Variants in UBE2F observed in about 807,000 individuals in gnomAD.
UBE2F encodes the protein ubiquitin conjugating enzyme E2 F (putative).
Under a neutral mutation model 29.6 loss-of-function variants are expected in UBE2F, and 5 were observed. That is an observed-to-expected ratio of 0.17 (90% CI 0.09 to 0.36). The LOEUF is 0.36. Among genes scored for constraint, UBE2F ranks in the 10% least tolerant of loss-of-function variants. The pLI is 1.00. For missense variants in UBE2F, 141 were observed against 228.5 expected (o/e 0.62, Z 2.47); for synonymous variants, 66 against 81.8 (o/e 0.81, Z 1.04).
At chr2:238,041,214 C>A in intron 9 of UBE2F, 74 bp from the exon 10 acceptor site, 1 of 1,417,954 alleles carries the variant, frequency 7.1e-7, no homozygotes, top group Non-Finnish European at 1.0e-6. Context: ...TCTGACTTGT[C>A]CCTGAAGCGC....
At chr2:237,999,852 T>G (rs1342714129) in intron 4 of UBE2F, among the ~76,000 whole-genome samples, 6 of 142,554 alleles carry the variant, frequency 4.2e-5, no homozygotes, top group Admixed American at 2.2e-4. Context: ...TGAGACGGAG[T>G]CTCACTGTGT....
At chr2:238,033,002 C>T (rs775644221) in intron 8 of UBE2F, among the ~76,000 whole-genome samples, 1 of 152,158 alleles carries the variant, frequency 6.6e-6, no homozygotes, top group Non-Finnish European at 1.5e-5. Flanking sequence ...TTCCCTTAGC[C>T]CCTTCCAGCA....
At chr2:237,987,868 T>TTC (rs2063512188) in intron 2 of UBE2F, 95 bp from the exon 3 acceptor site, 1 of 667,570 alleles carries the variant, frequency 1.5e-6, no homozygotes, top group South Asian at 2.1e-5. Context: ...TTTTTTTTTT[T>TTC]GATTCAGTGT....
intron 2 of UBE2F, among the ~76,000 whole-genome samples, chr2:237,980,965 GT>G (rs1263721092): frequency 1.2e-4 from 18 of 152,230 alleles, no homozygotes; most frequent in African/African-American, 3.9e-4. Flanking sequence ...ATATTTCAGT[GT>G]AGTCACGCTT....
Position 237,976,096 on chromosome 2 carries a change from G to T in UBE2F, c.118+2871G>T, listed in dbSNP as rs1285142002. ...TAGTAGATTGTATTCAGCGTCTGTTGTGCTGGAGGCTTTACCCTAAGAGGC... is the reference window on the plus strand; with the variant it reads ...TAGTAGATTGTATTCAGCGTCTGTTTTGCTGGAGGCTTTACCCTAAGAGGC... On this transcript the variant is annotated intron_variant, in intron 2 of 9. Transcript: ENST00000272930. Among the ~76,000 whole-genome samples, 2 of 152,254 alleles carry T rather than the reference G, an allele frequency of 1.3e-5. 1 individual carries two copies. Among genetic ancestry groups the T allele is most frequent in the South Asian group, 4.1e-4 (2 of 4,836 alleles).
rs575132638 is a variant in UBE2F, at chr2:237,967,038, C to A, written c.-111C>A. 1.6e-6 allele frequency: 2 copies of A among 1,287,426 alleles called. No individual in the cohort carries two copies. Among genetic ancestry groups the A allele is most frequent in the Non-Finnish European group, 2.0e-6 (2 of 1,014,826 alleles). 79.8% of individuals were successfully genotyped at this position (1,287,426 alleles called of 1,614,324 possible). ...CACTTCCGGTCCCGCCGCCGGGAGC[C>A]GGTGCGGCTGTGAGGGGCCGCGTCT... is the stretch of plus-strand genomic sequence containing the variant. On this transcript the variant is annotated 5_prime_UTR_variant, in exon 1 of 10. Transcript: ENST00000272930. The surrounding 1 kb of genome is among the most constrained non-coding windows in gnomAD (Gnocchi z 6.3).
At chr2:237,971,515 GGT>G in intron 1 of UBE2F, among the ~76,000 whole-genome samples, 1 of 152,174 alleles carries the variant, frequency 6.6e-6, no homozygotes, top group African/African-American at 2.4e-5. Flanking sequence ...GTAGAGACGG[GGT>G]TTCACCATGT....
chr2:238,006,816 C>T (rs2063918734), intron 4 of UBE2F, among the ~76,000 whole-genome samples: 1 of 144,786 alleles, frequency 6.9e-6, no homozygotes. Context: ...AGTACAATGG[C>T]ATGATCTCAG....
chr2:237,972,993 G>T, intron 1 of UBE2F, 99 bp from the exon 2 acceptor site: 1 of 1,373,476 alleles, frequency 7.3e-7, no homozygotes, highest in Non-Finnish European at 9.7e-7. Context: ...TAAATTGTGG[G>T]AAAAAATCAA....
chr2:237,979,404 C>T lies in UBE2F; in HGVS notation c.118+6179C>T, dbSNP rs543621670. Among the ~76,000 whole-genome samples, 5 of 152,324 alleles carry T rather than the reference C, an allele frequency of 3.3e-5. No homozygotes were observed. In the East Asian group the frequency reaches 9.7e-4, roughly 29 times the overall value. ...TCACCTTCCTATATGAGGTCTGCAACATGTCCCCATTTCAGTGTTGGGGGA... is the reference window on the plus strand; with the variant it reads ...TCACCTTCCTATATGAGGTCTGCAATATGTCCCCATTTCAGTGTTGGGGGA... On this transcript the variant is annotated intron_variant, in intron 2 of 9. Coordinates refer to ENST00000272930, the MANE Select transcript of UBE2F (RefSeq NM_080678.3).
chr2:238,001,990 A>G (rs2063804281), intron 4 of UBE2F, among the ~76,000 whole-genome samples: 1 of 151,352 alleles, frequency 6.6e-6, no homozygotes, highest in Admixed American at 6.6e-5. Context: ...TATCCCCATC[A>G]TGTTTGGTTT....
chr2:238,023,119 A>G (rs186059449), intron 5 of UBE2F, among the ~76,000 whole-genome samples: 26 of 152,160 alleles, frequency 1.7e-4, no homozygotes, highest in African/African-American at 6.0e-4. Context: ...GAGTTTGCCA[A>G]TTTTCTAGGT....
At chr2:237,995,493 C>T (rs1209599399) in intron 4 of UBE2F, among the ~76,000 whole-genome samples, 2 of 152,036 alleles carry the variant, frequency 1.3e-5, no homozygotes, top group African/African-American at 2.4e-5. Context: ...GGCAACCGGT[C>T]GATGCTGTTG....
In UBE2F at chr2:238,032,279, A is replaced by C. The variant is rs147815237; in HGVS notation, c.444+25A>C. 608 of 1,589,440 alleles carry C rather than the reference A, an allele frequency of 3.8e-4. 13 individuals are homozygous for C. The East Asian group carries it at 0.013, about 35-fold the overall frequency. The stretch of plus-strand genomic sequence containing the variant: ...TGTAAGTACAGTGATCAAAATCCCA[A>C]GTTATTCTCAATTTCCTTGTTGCTG... On this transcript the variant is annotated intron_variant, in intron 8 of 9. Coordinates refer to ENST00000272930, the MANE Select transcript of UBE2F (RefSeq NM_080678.3).
At chr2:238,011,416 C>A (rs187238460) in intron 4 of UBE2F, among the ~76,000 whole-genome samples, 1 of 152,170 alleles carries the variant, frequency 6.6e-6, no homozygotes, top group Non-Finnish European at 1.5e-5. Flanking sequence ...CAGCCTCTTC[C>A]CACTTTCTAC....
chr2:237,969,788 G>A (rs1189036946), intron 1 of UBE2F, among the ~76,000 whole-genome samples: 1 of 152,174 alleles, frequency 6.6e-6, no homozygotes, highest in Non-Finnish European at 1.5e-5. Flanking sequence ...AGATGGTGCT[G>A]CTGTCTGTGG....
At position 237,967,141 on chromosome 2, in the gene UBE2F, C is replaced by T; in HGVS notation, c.-17+9C>T. The T allele has an allele frequency of 3.1e-6, 4 of 1,285,264 alleles. No individual in the cohort carries two copies. The highest frequency in any genetic ancestry group is 4.0e-6 in the Non-Finnish European group (4 of 1,012,076). The allele number at this position is 1,285,264 out of a possible 1,614,324, so 79.6% of individuals were successfully genotyped here. On this transcript the variant is annotated intron_variant, in intron 1 of 9. Transcript: ENST00000272930. This position sits in a 1 kb window ranked among gnomAD's most constrained non-coding sequence, Gnocchi z 6.3. The stretch of plus-strand genomic sequence containing the variant: ...TGTCTCGGGGAGCCCAGGTGAGGAG[C>T]GACCGTGCGGCTCTGCGGCGGGGCG...
chr2:238,028,975 T>A (rs563731423), intron 6 of UBE2F: 1 of 150,898 alleles, frequency 6.6e-6, no homozygotes, highest in African/African-American at 2.4e-5. Context: ...TTATTTAAAA[T>A]TTTTTTTTTA....
At chr2:238,020,628 A>G (rs140272584) in intron 5 of UBE2F, among the ~76,000 whole-genome samples, 2 of 152,316 alleles carry the variant, frequency 1.3e-5, no homozygotes, top group African/African-American at 4.8e-5. Context: ...TAAACTTTTA[A>G]AAGAAAAATG....
Sources: gnomAD v4.1 joint callset for allele counts (sites outside exome capture counted in the v4.1 genomes callset) on GRCh38, gnomAD v4.1.1 for gene constraint, Gnocchi (gnomAD v3.1) non-coding constraint, MANE v1.5 for transcripts, NCBI Gene and HGNC (gene_info 2026-07-23, HGNC 2026-07-21) for gene names.